The following STARD13 variants were observed in gnomAD, a reference collection of about 807,000 sequenced individuals.
The protein encoded by STARD13 is StAR related lipid transfer domain containing 13, also known as stAR-related lipid transfer protein 13.
In STARD13, 62 loss-of-function variants were observed where a neutral mutation model predicts 106.4. The observed-to-expected ratio is 0.58, with a 90% CI of 0.48 to 0.72. The LOEUF (loss-of-function observed/expected upper bound fraction) is 0.72. STARD13 is among the 30% of genes least tolerant of loss of function. The pLI is 0.00. For missense variants in STARD13, 1,387 were observed against 1,424.0 expected (o/e 0.97, Z 0.42); for synonymous variants, 565 against 553.0 (o/e 1.02, Z -0.31).
At chr13:33,612,446 A>G in the STARD13 span, among the ~76,000 whole-genome samples, 1 of 152,046 alleles carries the variant, frequency 6.6e-6, no homozygotes, top group Admixed American at 6.5e-5. Context: ...CGGTCTGATC[A>G]TCAGACACGG....
chr13:33,330,421 G>A (rs558852564), intron 1 of STARD13, among the ~76,000 whole-genome samples: 1 of 152,102 alleles, frequency 6.6e-6, no homozygotes, highest in South Asian at 2.1e-4. Context: ...TTGGTCCCTT[G>A]CCCATTTTTT....
At chr13:33,411,925 G>A in the STARD13 span, among the ~76,000 whole-genome samples, 1 of 152,084 alleles carries the variant, frequency 6.6e-6, no homozygotes, top group African/African-American at 2.4e-5. Context: ...AAAAATAAAA[G>A]AATTTGTCAA....
At position 33,104,020 on chromosome 13, in the gene STARD13, A is replaced by G. The variant is rs903780164; in HGVS notation, c.*1573T>C. 6.6e-6 allele frequency: 1 copy of G among 152,238 alleles called. No homozygotes were observed. The highest frequency in any genetic ancestry group is 2.4e-5 in the African/African-American group (1 of 41,468). The allele number at this position is 152,238 out of a possible 1,614,324, so 9.4% of individuals were successfully genotyped here. ...ATAGAAAGCTTTTTTATTCCTCTCA[A>G]TAAAATAATTGCACATTGCTGATAA... On this transcript the variant is annotated 3_prime_UTR_variant, in exon 14 of 14. Coordinates refer to ENST00000336934, the MANE Select transcript of STARD13 (RefSeq NM_178006.4).
At chr13:33,211,944 A>T (rs1887748041) in intron 1 of STARD13, among the ~76,000 whole-genome samples, 1 of 152,154 alleles carries the variant, frequency 6.6e-6, no homozygotes, top group Non-Finnish European at 1.5e-5. Flanking sequence ...CACCCATAAG[A>T]ATTGCTTTTC....
chr13:33,425,084 T>C, the STARD13 span, among the ~76,000 whole-genome samples: 4 of 152,216 alleles, frequency 2.6e-5, no homozygotes, highest in Non-Finnish European at 5.9e-5. Flanking sequence ...ATGAAAACTC[T>C]GAGAAGATGA....
chr13:33,509,962 A>G, the STARD13 span, among the ~76,000 whole-genome samples: 16 of 152,304 alleles, frequency 1.1e-4, no homozygotes, highest in Admixed American at 9.2e-4. Context: ...GGCCAGCCAG[A>G]TTCCTGAACA....
At chr13:33,280,979 T>C (rs1489407533) in intron 1 of STARD13, 2 of 152,208 alleles carry the variant, frequency 1.3e-5, no homozygotes, top group Non-Finnish European at 2.9e-5. Context: ...AGAACAATTG[T>C]AAGCCACTGA....
the STARD13 span, among the ~76,000 whole-genome samples, chr13:33,426,139 A>G: frequency 6.6e-6 from 1 of 152,146 alleles, no homozygotes; most frequent in Non-Finnish European, 1.5e-5. Flanking sequence ...ATGGAAGAAA[A>G]TTATCTCTAA....
chr13:33,636,491 C>T, the STARD13 span, among the ~76,000 whole-genome samples: 3 of 152,026 alleles, frequency 2.0e-5, no homozygotes, highest in Non-Finnish European at 2.9e-5. Context: ...AGGCATAAAC[C>T]GGGACTCTCC....
the STARD13 span, among the ~76,000 whole-genome samples, chr13:33,376,321 AT>A: frequency 1.3e-5 from 2 of 152,198 alleles, no homozygotes; most frequent in Non-Finnish European, 2.9e-5. Context: ...TTAAATAAAA[AT>A]GACAACAACA....
chr13:33,128,026 T>C (rs1772916230), intron 5 of STARD13, among the ~76,000 whole-genome samples: 1 of 141,546 alleles, frequency 7.1e-6, no homozygotes. Context: ...GATGGAGAGA[T>C]GAGACAAAAA....
At chr13:33,279,548 A>G (rs1891657210) in intron 1 of STARD13, 1 of 152,208 alleles carries the variant, frequency 6.6e-6, no homozygotes, top group Non-Finnish European at 1.5e-5. Flanking sequence ...CTCCTGGACG[A>G]TTGGCACAGA....
intron 1 of STARD13, among the ~76,000 whole-genome samples, chr13:33,284,221 G>A (rs1294669062): frequency 6.6e-6 from 1 of 152,170 alleles, no homozygotes. Flanking sequence ...ATGTAGGAAG[G>A]ACCAGCATCC....
At chr13:33,675,151 A>G in the STARD13 span, among the ~76,000 whole-genome samples, 1 of 152,198 alleles carries the variant, frequency 6.6e-6, no homozygotes, top group Non-Finnish European at 1.5e-5. Context: ...CAGGAGAAAG[A>G]GAAAAATCCT....
the STARD13 span, among the ~76,000 whole-genome samples, chr13:33,455,652 G>A: frequency 3.9e-5 from 6 of 152,042 alleles, no homozygotes; most frequent in Admixed American, 6.6e-5. Context: ...AATAAAAAGC[G>A]GCCAGGCACG....
intron 1 of STARD13, among the ~76,000 whole-genome samples, chr13:33,266,144 A>G (rs1385966580): frequency 6.6e-6 from 1 of 152,226 alleles, no homozygotes; most frequent in Non-Finnish European, 1.5e-5. Flanking sequence ...AGCAATAGAC[A>G]GCCTTGGGTT....
chr13:33,397,176 T>G, the STARD13 span, among the ~76,000 whole-genome samples: 39 of 152,318 alleles, frequency 2.6e-4, no homozygotes, highest in African/African-American at 9.4e-4. Context: ...TCCATTTCTC[T>G]CCTACATTTC....
At chr13:33,144,718 G>A (rs778274958) in intron 3 of STARD13, among the ~76,000 whole-genome samples, 2 of 152,180 alleles carry the variant, frequency 1.3e-5, no homozygotes, top group Non-Finnish European at 2.9e-5. Context: ...CTAAGAGTGG[G>A]TGTGAAGTGA....
the STARD13 span, among the ~76,000 whole-genome samples, chr13:33,416,897 A>G: frequency 6.6e-6 from 1 of 152,238 alleles, no homozygotes; most frequent in African/African-American, 2.4e-5. Context: ...CACCATCAAG[A>G]AAGTTAAAAG....
Sources: gnomAD v4.1 joint callset for allele counts (sites outside exome capture counted in the v4.1 genomes callset) on GRCh38, gnomAD v4.1.1 for gene constraint, MANE v1.5 for transcripts, NCBI Gene and HGNC (gene_info 2026-07-23, HGNC 2026-07-21) for gene names.